Variants in DDX50 observed in about 807,000 individuals in gnomAD.
The protein encoded by DDX50 is DExD-box helicase 50, also known as ATP-dependent RNA helicase DDX50.
A neutral mutation model predicts 94.8 loss-of-function variants in DDX50; 56 were observed. The ratio of observed to expected loss-of-function variants is 0.59; its 90% CI spans 0.48 to 0.74. The LOEUF is 0.74. Ranked by LOEUF, DDX50 falls within the 30% of genes least tolerant of loss-of-function variation. The probability of loss-of-function intolerance (pLI) is 0.00; values close to 1 mark genes in which losing one functional copy is unlikely to be tolerated. For synonymous variants in DDX50, 264 were observed against 295.4 expected (o/e 0.89, Z 1.09); for missense variants, 713 against 881.2 (o/e 0.81, Z 2.42).
At chr10:68,915,922 A>G (rs1241302034) in intron 7 of DDX50, among the ~76,000 whole-genome samples, 1 of 152,214 alleles carries the variant, frequency 6.6e-6, no homozygotes, top group African/African-American at 2.4e-5. Context: ...ACAATGATGT[A>G]TACAAAAATT....
Position 68,919,816 on chromosome 10 carries a change from T to A in DDX50, c.1090-16T>A, listed in dbSNP as rs1841895514. ...TTTTAATGAAACAAATAATGTGGTA[T>A]TTTCTTTCTTCAAAGCATTTGGCCA... is the stretch of plus-strand genomic sequence containing the variant. On this transcript the variant is annotated splice_polypyrimidine_tract_variant and intron_variant, in intron 7 of 14. Transcript: ENST00000373585. 1 of 1,605,816 alleles carries A rather than the reference T, an allele frequency of 6.2e-7. No individual in the cohort carries two copies. The highest frequency in any genetic ancestry group is 1.3e-5 in the African/African-American group (1 of 74,458).
At position 68,934,053 on chromosome 10, in the gene DDX50, C is replaced by CTTT; in HGVS notation, c.1240-137_1240-135dup. On this transcript the variant is annotated intron_variant, in intron 8 of 14. Transcript: ENST00000373585. The surrounding 1 kb of genome is among the most constrained non-coding windows in gnomAD (Gnocchi z 4.0). ...GTTAAATATTTTCTGTCATGTTTGA[C>CTTT]TTTTTTTTTTTACAGTAAGCATGCA... The CTTT allele has an allele frequency of 6.9e-6, 4 of 580,414 alleles. No homozygotes were observed. The highest frequency in any genetic ancestry group is 4.6e-5 in the South Asian group (1 of 21,684). 36.0% of individuals were successfully genotyped at this position (580,414 alleles called of 1,614,324 possible).
At chr10:68,907,866 A>G (rs1292284354) in intron 2 of DDX50, among the ~76,000 whole-genome samples, 1 of 152,128 alleles carries the variant, frequency 6.6e-6, no homozygotes. Flanking sequence ...TTTGCCTGGT[A>G]AAATCTGTAT....
At chr10:68,939,775 G>A (rs1378214169) in intron 12 of DDX50, among the ~76,000 whole-genome samples, 1 of 152,046 alleles carries the variant, frequency 6.6e-6, no homozygotes, top group Non-Finnish European at 1.5e-5. Flanking sequence ...CCTAAGCCCT[G>A]CTTTATTCCT....
chr10:68,944,458 C>T (rs374541568), intron 14 of DDX50, among the ~76,000 whole-genome samples: 5 of 152,208 alleles, frequency 3.3e-5, no homozygotes, highest in African/African-American at 7.2e-5. Context: ...ATTTTGCTTT[C>T]GAAGTCTTTT....
intron 2 of DDX50, 29 bp from the exon 3 acceptor site, chr10:68,910,278 T>A: frequency 6.5e-7 from 1 of 1,542,188 alleles, no homozygotes; most frequent in Non-Finnish European, 8.8e-7. Context: ...GAGTATAAAT[T>A]ATTTAGGCCA....
chr10:68,940,955 G>C (rs1256480285), intron 12 of DDX50, 105 bp from the exon 13 acceptor site: 4 of 1,426,746 alleles, frequency 2.8e-6, no homozygotes, highest in Middle Eastern at 2.6e-4. Flanking sequence ...TATACTTTTG[G>C]CTCATAAGAA....
intron 1 of DDX50, 77 bp from the exon 2 acceptor site, chr10:68,906,634 A>C: frequency 6.8e-7 from 1 of 1,480,992 alleles, no homozygotes; most frequent in Non-Finnish European, 9.2e-7. Context: ...CTGGTGGGGG[A>C]GTCATGCTCT....
intron 2 of DDX50, among the ~76,000 whole-genome samples, chr10:68,908,318 G>A (rs1167782339): frequency 1.3e-5 from 2 of 151,964 alleles, no homozygotes; most frequent in African/African-American, 4.8e-5. Context: ...GGGTGTGGTG[G>A]CGCATGCCTG....
At position 68,946,482 on chromosome 10, in the gene DDX50, G is replaced by A. The variant is rs779954895; in HGVS notation, c.2066G>A (p.Arg689Gln). 3.0e-5 allele frequency: 49 copies of A among 1,613,990 alleles called. No homozygotes were observed. The East Asian group carries it at 5.3e-4, about 18-fold the overall frequency. ...RSGWSSGRSG[R>Q]SGRSGGRSGG... ...GGCTGGTCAAGTGGTCGATCAGGCC[G>A]GTCAGGCCGGTCAGGTGGTCGATCT... The change falls in exon 15 of 15, where the codon CGG becomes CAG. Residue 689 changes from arginine to glutamine, a missense_variant. Transcript: ENST00000373585.
chr10:68,934,983 A>G lies in DDX50; in HGVS notation c.1521+65A>G. The G allele has an allele frequency of 6.6e-7, 1 of 1,517,002 alleles. No individual in the cohort carries two copies. The highest frequency in any genetic ancestry group is 1.4e-5 in the South Asian group (1 of 73,928). The allele number at this position is 1,517,002 out of a possible 1,614,324, so 94.0% of individuals were successfully genotyped here. A position where few individuals can be genotyped will look rare whatever the true frequency, so the allele number is the denominator to read the frequency against. The stretch of plus-strand genomic sequence containing the variant: ...GGTGCCTTAAAAGAGAGCTCTTCTT[A>G]TATTTATTCTTACAAGTAGGTCTTC... On this transcript the variant is annotated intron_variant, in intron 10 of 14. Transcript: ENST00000373585. The surrounding 1 kb of genome is among the most constrained non-coding windows in gnomAD (Gnocchi z 4.0).
chr10:68,929,309 C>CTT (rs1564612678), intron 8 of DDX50, among the ~76,000 whole-genome samples: 180 of 141,820 alleles, frequency 1.3e-3, no homozygotes, highest in Middle Eastern at 0.011. Context: ...CTCTCTCTCT[C>CTT]TCTCTTTCTT....
chr10:68,901,778 T>C (rs1441975856), intron 1 of DDX50, among the ~76,000 whole-genome samples: 1 of 152,246 alleles, frequency 6.6e-6, no homozygotes, highest in Non-Finnish European at 1.5e-5. Flanking sequence ...CTTTCTCTCC[T>C]GAAGCAGTGA....
chr10:68,910,232 C>A, intron 2 of DDX50, 75 bp from the exon 3 acceptor site: 6 of 1,215,030 alleles, frequency 4.9e-6, no homozygotes, highest in East Asian at 2.6e-5. Flanking sequence ...GTAAGTTAAT[C>A]TGTAAAAAAT....
At chr10:68,942,137 C>T (rs1015004350) in intron 13 of DDX50, among the ~76,000 whole-genome samples, 1 of 152,186 alleles carries the variant, frequency 6.6e-6, no homozygotes, top group Non-Finnish European at 1.5e-5. Context: ...AGTAGTTAAA[C>T]AGCTCTATAA....
Position 68,911,247 on chromosome 10 carries a change from G to C in DDX50, c.639+1G>C. The C allele has an allele frequency of 6.3e-7, 1 of 1,591,678 alleles. No homozygotes were observed. The highest frequency in any genetic ancestry group is 1.2e-5 in the South Asian group (1 of 85,608). ...AATTAAAAAAAGCCGCTCACCAAAG[G>C]TAATCGTTATAGGGGGTAAAAGCTT... On this transcript the variant is annotated splice_donor_variant, in intron 4 of 14. Coordinates refer to ENST00000373585, the MANE Select transcript of DDX50 (RefSeq NM_024045.2). LOFTEE classifies it high-confidence loss of function.
chr10:68,933,068 TTTG>T (rs869073679), intron 8 of DDX50, among the ~76,000 whole-genome samples: 3,946 of 138,812 alleles, frequency 0.028, 58 homozygotes, highest in Non-Finnish European at 0.035. Context: ...TGTTTGTTTG[TTTG>T]TTTTTTTTTT....
chr10:68,939,936 C>G (rs1205334056), intron 12 of DDX50, among the ~76,000 whole-genome samples: 1 of 140,796 alleles, frequency 7.1e-6, no homozygotes, highest in African/African-American at 2.6e-5. Flanking sequence ...ACTGCTGAAT[C>G]TCTAGCACCT....
chr10:68,907,129 T>G lies in DDX50; in HGVS notation c.384+122T>G, dbSNP rs547693108. The G allele has an allele frequency of 3.7e-5, 36 of 971,752 alleles. No homozygotes were observed. The South Asian group carries it at 5.5e-4, about 15-fold the overall frequency. The allele number at this position is 971,752 out of a possible 1,614,324, so 60.2% of individuals were successfully genotyped here. The stretch of plus-strand genomic sequence containing the variant: ...TTGATTAGTGTCTAGTATTCTTAGT[T>G]GCACTAGAGTCTGTACAGGTGAAGC... On this transcript the variant is annotated intron_variant, in intron 2 of 14. Transcript: ENST00000373585.
Sources: allele counts gnomAD v4.1 joint callset (sites outside exome capture counted in the v4.1 genomes callset), GRCh38; gene constraint gnomAD v4.1.1; non-coding constraint Gnocchi (gnomAD v3.1); transcripts MANE v1.5; gene names NCBI Gene and HGNC (gene_info 2026-07-23, HGNC 2026-07-21).